SLC14A2: variants seen among roughly 807,000 people sequenced by gnomAD.
SLC14A2 encodes solute carrier family 14 member 2.
A neutral mutation model predicts 104.6 loss-of-function variants in SLC14A2; 91 were observed. That is an observed-to-expected ratio of 0.87 (90% CI 0.73 to 1.04). The LOEUF (loss-of-function observed/expected upper bound fraction) is 1.04. SLC14A2 is among the 50% of genes least tolerant of loss of function. The pLI, the probability that SLC14A2 is intolerant of heterozygous loss-of-function variation, is 0.00. For synonymous variants in SLC14A2, 476 were observed against 466.4 expected (o/e 1.02, Z -0.27); for missense variants, 1,189 against 1,156.0 (o/e 1.03, Z -0.41).
rs555994099 is a variant in SLC14A2, at chr18:45,633,801, A to G, written c.650+1323A>G. Among the ~76,000 whole-genome samples, 12 of 152,292 alleles carry G rather than the reference A, an allele frequency of 7.9e-5. No homozygotes were observed. In the South Asian group the frequency reaches 2.5e-3, roughly 32 times the overall value. On this transcript the variant is annotated intron_variant, in intron 5 of 19. Coordinates refer to ENST00000255226, the MANE Select transcript of SLC14A2 (RefSeq NM_007163.4). ...AATTTAGCTTAACTACTCTTTTATT[A>G]CTTTTTAGTAGTGCTTGCAAATAAA...
intron 1 of SLC14A2, among the ~76,000 whole-genome samples, chr18:45,307,545 C>T (rs745676738): frequency 6.6e-6 from 1 of 152,016 alleles, no homozygotes; most frequent in Admixed American, 6.6e-5. Context: ...ACATATATCT[C>T]CTCCCAAAGG....
At position 45,656,698 on chromosome 18, in the gene SLC14A2, C is replaced by T. The variant is rs145086593; in HGVS notation, c.1352-7087C>T. ...CTGACCTTTGTACTCTCTTTAACCT[C>T]ATTTATGAGGCTTTATCATCAGGCA... is the stretch of plus-strand genomic sequence containing the variant. On this transcript the variant is annotated intron_variant, in intron 10 of 19. Transcript: ENST00000255226. 1.8e-4 allele frequency among the ~76,000 whole-genome samples: 27 copies of T among 152,258 alleles called. No homozygotes were observed. The East Asian group carries it at 4.6e-3, about 26-fold the overall frequency.
intron 1 of SLC14A2, among the ~76,000 whole-genome samples, chr18:45,357,147 G>T (rs1276226488): frequency 1.3e-5 from 2 of 152,084 alleles, no homozygotes; most frequent in African/African-American, 4.8e-5. Flanking sequence ...GGGGGACCAG[G>T]AGGAGTGGCT....
At chr18:45,491,550 G>A (rs879686694) in intron 2 of SLC14A2, among the ~76,000 whole-genome samples, 15 of 152,124 alleles carry the variant, frequency 9.9e-5, no homozygotes, top group Admixed American at 3.3e-4. Context: ...ACAAATAAAA[G>A]TAAAAATAAA....
chr18:45,330,591 T>C (rs1180215205), intron 1 of SLC14A2, among the ~76,000 whole-genome samples: 3 of 152,184 alleles, frequency 2.0e-5, no homozygotes, highest in Non-Finnish European at 4.4e-5. Flanking sequence ...CACAGGAACA[T>C]GGAATATGGA....
At chr18:45,481,685 A>T (rs1285580428) in intron 1 of SLC14A2, among the ~76,000 whole-genome samples, 1 of 152,214 alleles carries the variant, frequency 6.6e-6, no homozygotes, top group Non-Finnish European at 1.5e-5. Flanking sequence ...AACTGAAAAA[A>T]AACAGGATTT....
intron 1 of SLC14A2, among the ~76,000 whole-genome samples, chr18:45,262,804 C>G (rs573779342): frequency 6.6e-6 from 1 of 152,236 alleles, no homozygotes; most frequent in African/African-American, 2.4e-5. Context: ...GAGGATGGAA[C>G]AAAGGCAACT....
chr18:45,371,249 A>G (rs916348983), intron 1 of SLC14A2, among the ~76,000 whole-genome samples: 1 of 152,176 alleles, frequency 6.6e-6, no homozygotes, highest in Non-Finnish European at 1.5e-5. Flanking sequence ...TCTGTTCACC[A>G]AACTGGACTA....
intron 2 of SLC14A2, among the ~76,000 whole-genome samples, chr18:45,537,099 T>G: frequency 7.3e-6 from 1 of 136,078 alleles, no homozygotes; most frequent in Non-Finnish European, 1.6e-5. Context: ...CAAATATTTA[T>G]AGACCACCAT....
chr18:45,241,239 G>T (rs2084312394), intron 1 of SLC14A2, among the ~76,000 whole-genome samples: 1 of 152,194 alleles, frequency 6.6e-6, no homozygotes, highest in Admixed American at 6.5e-5. Flanking sequence ...AACTTTATTT[G>T]AAGAATCAGG....
intron 10 of SLC14A2, among the ~76,000 whole-genome samples, chr18:45,658,266 G>C (rs2045876794): frequency 6.6e-6 from 1 of 152,108 alleles, no homozygotes; most frequent in Non-Finnish European, 1.5e-5. Flanking sequence ...CCCCCCCTAG[G>C]AGAGAGTAAA....
intron 1 of SLC14A2, among the ~76,000 whole-genome samples, chr18:45,261,183 G>GT (rs2084532950): frequency 6.7e-6 from 1 of 150,010 alleles, no homozygotes; most frequent in Admixed American, 6.7e-5. Flanking sequence ...CCCACAACAG[G>GT]CCCCGGTGTG....
the SLC14A2 span, among the ~76,000 whole-genome samples, chr18:45,190,397 T>G: frequency 2.0e-5 from 3 of 152,192 alleles, no homozygotes; most frequent in African/African-American, 7.2e-5. Flanking sequence ...TGCTTTAGAT[T>G]CCTGGAGTAG....
the SLC14A2 span, among the ~76,000 whole-genome samples, chr18:45,175,730 T>C: frequency 6.6e-6 from 1 of 152,176 alleles, no homozygotes; most frequent in South Asian, 2.1e-4. Context: ...TGACTTATTA[T>C]TGGGCCATGA....
intron 1 of SLC14A2, among the ~76,000 whole-genome samples, chr18:45,378,272 G>T (rs1178139644): frequency 6.6e-6 from 1 of 152,170 alleles, no homozygotes; most frequent in African/African-American, 2.4e-5. Flanking sequence ...GAACTGAACT[G>T]AATTGAATTA....
intron 2 of SLC14A2, among the ~76,000 whole-genome samples, chr18:45,598,793 G>C (rs2044748557): frequency 1.3e-5 from 2 of 152,202 alleles, no homozygotes; most frequent in East Asian, 1.9e-4. Context: ...ACCACTCAAG[G>C]CTCCTCTTTC....
intron 1 of SLC14A2, among the ~76,000 whole-genome samples, chr18:45,231,787 T>C (rs1352239957): frequency 6.6e-6 from 1 of 152,222 alleles, no homozygotes; most frequent in Non-Finnish European, 1.5e-5. Context: ...ATGAGGAATT[T>C]GGTAGTTCAT....
At chr18:45,257,515 C>T (rs2084491780) in intron 1 of SLC14A2, among the ~76,000 whole-genome samples, 1 of 152,176 alleles carries the variant, frequency 6.6e-6, no homozygotes. Flanking sequence ...GTTAATATTT[C>T]AATCAATTTT....
At chr18:45,540,547 G>A (rs1212483818) in intron 2 of SLC14A2, among the ~76,000 whole-genome samples, 3 of 151,990 alleles carry the variant, frequency 2.0e-5, no homozygotes, top group African/African-American at 7.3e-5. Context: ...GTTCAACACC[G>A]ACCTGGCCAA....
Sources: gnomAD v4.1 joint callset for allele counts (sites outside exome capture counted in the v4.1 genomes callset) on GRCh38, gnomAD v4.1.1 for gene constraint, MANE v1.5 for transcripts, NCBI Gene and HGNC (gene_info 2026-07-23, HGNC 2026-07-21) for gene names.